PPFIBP1: variants seen among roughly 807,000 people sequenced by gnomAD.
PPFIBP1 encodes the protein liprin-beta-1.
Under a neutral mutation model 137.8 loss-of-function variants are expected in PPFIBP1, and 112 were observed. That is an observed-to-expected ratio of 0.81 (90% CI 0.70 to 0.95). The LOEUF (loss-of-function observed/expected upper bound fraction) is 0.95. PPFIBP1 is among the 40% of genes least tolerant of loss of function. The pLI is 0.00. For missense variants in PPFIBP1, 1,083 were observed against 1,196.6 expected, an observed-to-expected ratio of 0.91 and a Z score of 1.40; for synonymous variants, 378 against 417.3, an observed-to-expected ratio of 0.91 and a Z score of 1.15.
At chr12:27,587,547 C>T (rs559766042) in intron 2 of PPFIBP1, among the ~76,000 whole-genome samples, 22 of 139,302 alleles carry the variant, frequency 1.6e-4, no homozygotes, top group South Asian at 1.4e-3. Context: ...GGCTTGAACC[C>T]GGGAGGCGGA....
intron 4 of PPFIBP1, among the ~76,000 whole-genome samples, chr12:27,644,073 CAGTT>C (rs1169269640): frequency 6.6e-6 from 1 of 151,590 alleles, no homozygotes. Context: ...GAAGAAAGAT[CAGTT>C]TGTTTGTTTG....
chr12:27,660,799 A>C (rs2059498231), intron 10 of PPFIBP1, 85 bp from the exon 11 acceptor site: 2 of 1,524,232 alleles, frequency 1.3e-6, no homozygotes, highest in Middle Eastern at 2.1e-4. Flanking sequence ...TTTACCTTAA[A>C]ATATTTCAGT....
intron 1 of PPFIBP1, among the ~76,000 whole-genome samples, chr12:27,568,503 G>A (rs1037702981): frequency 4.6e-5 from 7 of 152,224 alleles, no homozygotes; most frequent in Non-Finnish European, 1.0e-4. Context: ...AACTGTGTAA[G>A]GATGAGGGAT....
intron 2 of PPFIBP1, among the ~76,000 whole-genome samples, chr12:27,598,538 C>CTGTGTGTG (rs71039825): frequency 1.6e-4 from 24 of 150,724 alleles, no homozygotes; most frequent in African/African-American, 5.1e-4. Context: ...TCTCTATAAT[C>CTGTGTGTG]TGTGTGTGTG....
chr12:27,661,136 A>G (rs2059519564), intron 11 of PPFIBP1, among the ~76,000 whole-genome samples, 191 bp downstream of exon 11: 1 of 152,220 alleles, frequency 6.6e-6, no homozygotes, highest in Admixed American at 6.5e-5. Flanking sequence ...GGCTCCACTG[A>G]GAACTCCTGC....
intron 11 of PPFIBP1, among the ~76,000 whole-genome samples, chr12:27,662,092 T>C (rs2059589260): frequency 6.6e-6 from 1 of 152,180 alleles, no homozygotes; most frequent in Non-Finnish European, 1.5e-5. Flanking sequence ...CAGCATAACA[T>C]AACTTCCTCG....
chr12:27,620,422 T>C (rs1395760620), intron 2 of PPFIBP1, among the ~76,000 whole-genome samples: 6 of 152,226 alleles, frequency 3.9e-5, no homozygotes, highest in African/African-American at 1.4e-4. Flanking sequence ...GGCCTTTGCA[T>C]TTACTGTTGT....
rs542500961 is a variant in PPFIBP1, at chr12:27,634,293, CT to C, written c.65-616del. 7.9e-5 allele frequency among the ~76,000 whole-genome samples: 12 copies of C among 152,136 alleles called. No individual in the cohort carries two copies. In the South Asian group the frequency reaches 2.1e-3, roughly 26 times the overall value. On this transcript the variant is annotated intron_variant, in intron 3 of 29. Coordinates refer to ENST00000228425, the MANE Select transcript of PPFIBP1 (RefSeq NM_003622.4). ...CAAGCAATCTTCACACCTCAAGTAC[CT>C]GCGATTACAGGCACACGCCACTGCA...
chr12:27,660,225 T>G (rs1330319466), intron 10 of PPFIBP1, among the ~76,000 whole-genome samples: 1 of 152,148 alleles, frequency 6.6e-6, no homozygotes, highest in East Asian at 1.9e-4. Flanking sequence ...AATATATAAG[T>G]TTTTTATTAT....
Position 27,692,995 on chromosome 12 carries a change from T to G in PPFIBP1, c.*113T>G. The G allele has an allele frequency of 1.4e-6, 2 of 1,450,120 alleles. No individual in the cohort carries two copies. The highest frequency in any genetic ancestry group is 1.8e-6 in the Non-Finnish European group (2 of 1,100,848). The allele number at this position is 1,450,120 out of a possible 1,614,324, so 89.8% of individuals were successfully genotyped here. On this transcript the variant is annotated 3_prime_UTR_variant, in exon 30 of 30. Transcript: ENST00000228425. ...ATTGTCTATTGTTTGTTGTTCCAACTTCTGCTGTCGAGAAGTTTAAACAGA... is the reference window on the plus strand; with the variant it reads ...ATTGTCTATTGTTTGTTGTTCCAACGTCTGCTGTCGAGAAGTTTAAACAGA...
chr12:27,637,179 T>C (rs1469409704), intron 4 of PPFIBP1: 1 of 152,242 alleles, frequency 6.6e-6, no homozygotes, highest in East Asian at 1.9e-4. Flanking sequence ...CCAATTGGAA[T>C]GTAAGCATCA....
chr12:27,525,048 G>C lies in PPFIBP1; in HGVS notation c.-124+683G>C, dbSNP rs556964197. On this transcript the variant is annotated intron_variant, in intron 1 of 29. Coordinates refer to ENST00000228425, the MANE Select transcript of PPFIBP1 (RefSeq NM_003622.4). Reference sequence around the variant, plus strand: ...TTAGGATGGCTGCTGAGAATCTTCAGATCTGTTTCCTGTGGCTGCTTGAGG... The same window carrying C: ...TTAGGATGGCTGCTGAGAATCTTCACATCTGTTTCCTGTGGCTGCTTGAGG... Among the ~76,000 whole-genome samples, 58 of 152,258 alleles carry C rather than the reference G, an allele frequency of 3.8e-4. 1 individual carries two copies. Among genetic ancestry groups the C allele is most frequent in the Non-Finnish European group, 6.6e-4 (45 of 68,030 alleles).
intron 3 of PPFIBP1, among the ~76,000 whole-genome samples, chr12:27,634,304 G>C (rs2057495438): frequency 6.6e-6 from 1 of 152,036 alleles, no homozygotes; most frequent in Admixed American, 6.6e-5. Context: ...TGCGATTACA[G>C]GCACACGCCA....
chr12:27,670,794 A>ATAATAAT (rs57075092), intron 13 of PPFIBP1, among the ~76,000 whole-genome samples: 3 of 139,420 alleles, frequency 2.2e-5, no homozygotes, highest in African/African-American at 7.9e-5. Flanking sequence ...AAAAAAAAAA[A>ATAATAAT]AATAATAATA....
intron 12 of PPFIBP1, among the ~76,000 whole-genome samples, chr12:27,665,798 T>C (rs1333726138): frequency 6.6e-6 from 1 of 152,120 alleles, no homozygotes; most frequent in Non-Finnish European, 1.5e-5. Context: ...ATCAGGATTT[T>C]TGAAAAAAAA....
At chr12:27,677,829 G>A (rs2060622051) in intron 19 of PPFIBP1, 1 of 152,266 alleles carries the variant, frequency 6.6e-6, no homozygotes, top group East Asian at 1.9e-4. Flanking sequence ...TGAAGGATTT[G>A]AATTGGGAAA....
Position 27,689,214 on chromosome 12 carries a change from G to T in PPFIBP1, c.2685+11G>T. 6.5e-7 allele frequency: 1 copy of T among 1,530,390 alleles called. No individual in the cohort carries two copies. The highest frequency in any genetic ancestry group is 8.7e-7 in the Non-Finnish European group (1 of 1,145,264). 94.8% of individuals were successfully genotyped at this position (1,530,390 alleles called of 1,614,324 possible). A position where few individuals can be genotyped will look rare whatever the true frequency, so the allele number is the denominator to read the frequency against. ...ACTGCCAAAGTGAAGGTTGGTTCAG[G>T]CTCATACGGTTTAATAATTGCTTGG... On this transcript the variant is annotated intron_variant, in intron 27 of 29. Transcript: ENST00000228425.
intron 1 of PPFIBP1, among the ~76,000 whole-genome samples, chr12:27,559,308 A>G (rs1259444355): frequency 6.6e-6 from 1 of 152,062 alleles, no homozygotes; most frequent in Non-Finnish European, 1.5e-5. Flanking sequence ...AGCTGGGACT[A>G]CAGGCGCCCA....
chr12:27,630,071 T>C (rs1592977383), intron 2 of PPFIBP1, among the ~76,000 whole-genome samples: 2 of 152,242 alleles, frequency 1.3e-5, no homozygotes, highest in Middle Eastern at 6.8e-3. Context: ...TATTTTCAAA[T>C]CTTGTGTGTT....
Sources: gnomAD v4.1 joint callset for allele counts (sites outside exome capture counted in the v4.1 genomes callset) on GRCh38, gnomAD v4.1.1 for gene constraint, MANE v1.5 for transcripts, NCBI Gene and HGNC (gene_info 2026-07-23, HGNC 2026-07-21) for gene names.